TMEM117: variants seen among roughly 807,000 people sequenced by gnomAD.
TMEM117 encodes transmembrane protein 117.
In TMEM117, 27 loss-of-function variants were observed where a neutral mutation model predicts 52.4. The observed-to-expected ratio is 0.51, with a 90% CI of 0.38 to 0.71. The LOEUF (loss-of-function observed/expected upper bound fraction) is 0.71. Among genes scored for constraint, TMEM117 ranks in the 30% least tolerant of loss-of-function variants. The pLI, the probability that TMEM117 is intolerant of heterozygous loss-of-function variation, is 0.00. For missense variants in TMEM117, 556 were observed against 630.5 expected, an observed-to-expected ratio of 0.88 and a Z score of 1.26; for synonymous variants, 215 against 206.3, an observed-to-expected ratio of 1.04 and a Z score of -0.36.
intron 3 of TMEM117, among the ~76,000 whole-genome samples, chr12:44,063,487 C>A (rs1947171621): frequency 6.6e-6 from 1 of 151,684 alleles, no homozygotes; most frequent in East Asian, 1.9e-4. Context: ...TATTATTATA[C>A]TTTAAGTTCT....
chr12:44,056,458 C>T (rs1331434547), intron 3 of TMEM117, among the ~76,000 whole-genome samples: 1 of 152,048 alleles, frequency 6.6e-6, no homozygotes, highest in Non-Finnish European at 1.5e-5. Context: ...ATTTTAATCT[C>T]TTTTCTAGAG....
At chr12:43,974,494 C>T (rs1439961965) in intron 3 of TMEM117, among the ~76,000 whole-genome samples, 2 of 152,040 alleles carry the variant, frequency 1.3e-5, no homozygotes, top group African/African-American at 4.8e-5. Context: ...GTTCTTGTTT[C>T]TTTCACATGT....
At chr12:44,114,188 G>C (rs559830578) in intron 3 of TMEM117, among the ~76,000 whole-genome samples, 2 of 152,170 alleles carry the variant, frequency 1.3e-5, no homozygotes, top group South Asian at 2.1e-4. Context: ...CACGCTGGGA[G>C]CTGTAGACCG....
intron 3 of TMEM117, among the ~76,000 whole-genome samples, chr12:44,058,884 A>G (rs999865722): frequency 9.9e-5 from 11 of 110,826 alleles, no homozygotes; most frequent in East Asian, 2.0e-4. Context: ...ATTCAAAGGT[A>G]TCTATAGCAG....
intron 6 of TMEM117, among the ~76,000 whole-genome samples, chr12:44,355,754 A>G (rs1178741423): frequency 1.3e-5 from 2 of 151,866 alleles, no homozygotes; most frequent in African/African-American, 2.4e-5. Context: ...TTTGTATTCT[A>G]TATATAGCAC....
intron 5 of TMEM117, among the ~76,000 whole-genome samples, chr12:44,254,129 G>C (rs555469612): frequency 2.6e-5 from 4 of 151,522 alleles, no homozygotes; most frequent in Admixed American, 6.6e-5. Context: ...GAGGAGTTGA[G>C]AACTGTAAAA....
intron 3 of TMEM117, among the ~76,000 whole-genome samples, chr12:44,027,809 G>C (rs1167541526): frequency 6.6e-6 from 1 of 152,204 alleles, no homozygotes; most frequent in African/African-American, 2.4e-5. Context: ...GGAGACATGA[G>C]TGTGAGTTCA....
chr12:43,895,840 A>G (rs1038823091), intron 2 of TMEM117, among the ~76,000 whole-genome samples: 1 of 152,142 alleles, frequency 6.6e-6, no homozygotes, highest in Non-Finnish European at 1.5e-5. Flanking sequence ...CCTTCCTTTT[A>G]TGTCTCAATA....
At chr12:43,837,372 G>A (rs1943049173) in intron 1 of TMEM117, among the ~76,000 whole-genome samples, 1 of 151,952 alleles carries the variant, frequency 6.6e-6, no homozygotes, top group Non-Finnish European at 1.5e-5. Context: ...CTTTCATGGA[G>A]TCGGGCTCTG....
chr12:43,964,555 T>C (rs939346194), intron 3 of TMEM117, among the ~76,000 whole-genome samples: 2 of 152,210 alleles, frequency 1.3e-5, no homozygotes, highest in Non-Finnish European at 2.9e-5. Flanking sequence ...TGGCTTGACA[T>C]AAAAGGTGTG....
intron 3 of TMEM117, among the ~76,000 whole-genome samples, chr12:43,995,856 G>T (rs559874021): frequency 3.9e-5 from 6 of 152,160 alleles, no homozygotes; most frequent in Non-Finnish European, 8.8e-5. Context: ...TGATTTTAAT[G>T]AATCATCTCT....
At chr12:43,847,523 T>G (rs1164631747) in intron 2 of TMEM117, among the ~76,000 whole-genome samples, 1 of 152,106 alleles carries the variant, frequency 6.6e-6, no homozygotes, top group Non-Finnish European at 1.5e-5. Flanking sequence ...CCTAGGGAGT[T>G]GGGAAGTGAA....
At chr12:44,056,814 C>G (rs914786609) in intron 3 of TMEM117, among the ~76,000 whole-genome samples, 2 of 152,086 alleles carry the variant, frequency 1.3e-5, no homozygotes, top group Non-Finnish European at 2.9e-5. Flanking sequence ...ATTTTCAAAT[C>G]TTCGTATTGA....
chr12:44,118,255 C>T (rs189893620), intron 3 of TMEM117, among the ~76,000 whole-genome samples: 1 of 152,200 alleles, frequency 6.6e-6, no homozygotes, highest in African/African-American at 2.4e-5. Context: ...TTGAGATCAA[C>T]CCCTTTCTCA....
rs369429294 is a variant in TMEM117, at chr12:44,090,848, TG to T, written c.411-52676del. On this transcript the variant is annotated intron_variant, in intron 3 of 7. Transcript: ENST00000266534. ...AATCCTGTATTTATGTGTTTTTTTT[TG>T]TTTTTTTTTTTTTTTTGCTGAGTGC... is the stretch of plus-strand genomic sequence containing the variant. Among the ~76,000 whole-genome samples, 1,000 of 118,012 alleles carry T rather than the reference TG, an allele frequency of 8.5e-3. 69 individuals carry two copies. Among genetic ancestry groups the T allele is most frequent in the South Asian group, 0.031 (128 of 4,186 alleles). The allele number at this position is 118,012 out of a possible 152,430, so 77.4% of individuals were successfully genotyped here.
At chr12:44,268,239 G>A (rs1950403204) in intron 5 of TMEM117, among the ~76,000 whole-genome samples, 2 of 151,792 alleles carry the variant, frequency 1.3e-5, no homozygotes, top group Non-Finnish European at 1.5e-5. Flanking sequence ...CCAGGTTCAA[G>A]CAATTCTTCT....
chr12:44,207,113 T>C (rs1949579187), intron 4 of TMEM117, among the ~76,000 whole-genome samples: 1 of 152,142 alleles, frequency 6.6e-6, no homozygotes, highest in Non-Finnish European at 1.5e-5. Flanking sequence ...TAAAATTTTA[T>C]CTATTATGTT....
intron 3 of TMEM117, among the ~76,000 whole-genome samples, chr12:44,033,657 G>T (rs1946668135): frequency 6.6e-6 from 1 of 152,222 alleles, no homozygotes; most frequent in African/African-American, 2.4e-5. Flanking sequence ...TTTCCTCAAT[G>T]ATGGTCATCA....
At chr12:44,281,190 A>C (rs374412449) in intron 5 of TMEM117, among the ~76,000 whole-genome samples, 1 of 152,210 alleles carries the variant, frequency 6.6e-6, no homozygotes. Flanking sequence ...TTTCATTGTG[A>C]CATGACATTA....
Sources: gnomAD v4.1 joint callset for allele counts (sites outside exome capture counted in the v4.1 genomes callset) on GRCh38, gnomAD v4.1.1 for gene constraint, MANE v1.5 for transcripts, NCBI Gene and HGNC (gene_info 2026-07-23, HGNC 2026-07-21) for gene names.